The following FBXL20 variants were observed in gnomAD, a reference collection of about 807,000 sequenced individuals.
The protein encoded by FBXL20 is F-box and leucine rich repeat protein 20.
FBXL20 carries 11 observed loss-of-function variants against 64.0 expected under a neutral mutation model. The observed-to-expected ratio is 0.17, with a 90% CI of 0.11 to 0.28. FBXL20 has a LOEUF of 0.28. Ranked by LOEUF, FBXL20 falls within the 10% of genes least tolerant of loss-of-function variation. The probability of loss-of-function intolerance (pLI) is 1.00; values close to 1 mark genes in which losing one functional copy is unlikely to be tolerated. For synonymous variants in FBXL20, 184 were observed against 189.0 expected, an observed-to-expected ratio of 0.97 and a Z score of 0.22; for missense variants, 303 against 526.2, an observed-to-expected ratio of 0.58 and a Z score of 4.15.
rs796372720 is a variant in FBXL20 at position 39,374,540 on chromosome 17, C to CA, written c.42+26820dup. 6.4e-3 allele frequency among the ~76,000 whole-genome samples: 887 copies of CA among 139,670 alleles called. 4 individuals carry two copies. Among genetic ancestry groups the CA allele is most frequent in the Non-Finnish European group, 9.0e-3 (578 of 64,094 alleles). The allele number at this position is 139,670 out of a possible 152,430, so 91.6% of individuals were successfully genotyped here. A position where few individuals can be genotyped will look rare whatever the true frequency, so the allele number is the denominator to read the frequency against. ...AAGGCAATAGAGCGAGACTCCATCT[C>CA]AAAAAAAAAAAATTGCTAGATTATA... On this transcript the variant is annotated intron_variant, in intron 1 of 14. Transcript: ENST00000264658.
chr17:39,296,612 A>G (rs2047088671), intron 6 of FBXL20, among the ~76,000 whole-genome samples: 1 of 151,772 alleles, frequency 6.6e-6, no homozygotes. Context: ...GTTAATGAAT[A>G]ACTACCCTCT....
intron 2 of FBXL20, among the ~76,000 whole-genome samples, chr17:39,330,676 G>A (rs969436162): frequency 6.6e-6 from 1 of 152,152 alleles, no homozygotes. Context: ...GAAAGAAAAT[G>A]AGGGGCCAAA....
intron 12 of FBXL20, 100 bp from the exon 13 acceptor site, chr17:39,265,553 T>A: frequency 1.2e-6 from 1 of 845,788 alleles, no homozygotes; most frequent in Non-Finnish European, 1.9e-6. Context: ...TTGCCCAGGC[T>A]AGAGTGTAGT....
Position 39,367,098 on chromosome 17 carries a change from TG to T in FBXL20, c.43-23858del, listed in dbSNP as rs2047867950. Among the ~76,000 whole-genome samples, 4 of 151,814 alleles carry T rather than the reference TG, an allele frequency of 2.6e-5. No homozygotes were observed. In the South Asian group the frequency reaches 8.3e-4, roughly 32 times the overall value. On this transcript the variant is annotated intron_variant, in intron 1 of 14. Transcript: ENST00000264658. The stretch of plus-strand genomic sequence containing the variant: ...CGGGGTTTCGGCGTGTTAGCCAGGA[TG>T]GTCTCGATCTCCTGACCTCAAGATC...
At chr17:39,294,678 G>A (rs1269664958) in intron 6 of FBXL20, among the ~76,000 whole-genome samples, 1 of 152,110 alleles carries the variant, frequency 6.6e-6, no homozygotes, top group African/African-American at 2.4e-5. Flanking sequence ...CTGGTTATTT[G>A]ATGATTTTAA....
chr17:39,289,982 G>T (rs2047022675), intron 6 of FBXL20, among the ~76,000 whole-genome samples: 1 of 117,892 alleles, frequency 8.5e-6, no homozygotes, highest in Non-Finnish European at 1.6e-5. Context: ...CTGGGCAATA[G>T]TGCGAGACTC....
intron 2 of FBXL20, among the ~76,000 whole-genome samples, chr17:39,341,752 T>TGA (rs1727553120): frequency 6.6e-6 from 1 of 152,214 alleles, no homozygotes; most frequent in African/African-American, 2.4e-5. Flanking sequence ...GCACCTGCCC[T>TGA]CAGCCTTGGA....
chr17:39,390,092 T>C (rs2048120591), intron 1 of FBXL20, among the ~76,000 whole-genome samples: 1 of 152,160 alleles, frequency 6.6e-6, no homozygotes, highest in Non-Finnish European at 1.5e-5. Context: ...AAATTATTAC[T>C]GTTGAACTAG....
chr17:39,342,412 T>C (rs1017525783), intron 2 of FBXL20, among the ~76,000 whole-genome samples: 1 of 138,356 alleles, frequency 7.2e-6, no homozygotes, highest in Admixed American at 7.3e-5. Flanking sequence ...TACATAAAAT[T>C]GAAAAAAAAA....
upstream of FBXL20, chr17:39,402,240 T>G: frequency 2.4e-6 from 3 of 1,228,108 alleles, no homozygotes; most frequent in Non-Finnish European, 3.0e-6. Context: ...CTTCTGGATG[T>G]GTCTAGATTG....
intron 2 of FBXL20, among the ~76,000 whole-genome samples, chr17:39,340,155 G>A (rs1218190541): frequency 2.0e-5 from 3 of 151,902 alleles, no homozygotes; most frequent in Non-Finnish European, 2.9e-5. Context: ...GGAGCGCGGT[G>A]GCGCGATCTT....
upstream of FBXL20, chr17:39,401,968 G>A (rs1273680401): frequency 1.7e-4 from 77 of 452,270 alleles, no homozygotes. Flanking sequence ...GCGAGGGAGA[G>A]TAGAGCAGTA....
At chr17:39,385,933 G>A (rs2048074174) in intron 1 of FBXL20, among the ~76,000 whole-genome samples, 2 of 151,554 alleles carry the variant, frequency 1.3e-5, no homozygotes, top group African/African-American at 4.9e-5. Flanking sequence ...AGGAGGCTGA[G>A]GCAGGAGAAT....
chr17:39,396,263 G>A (rs1193716680), intron 1 of FBXL20, among the ~76,000 whole-genome samples: 1 of 151,862 alleles, frequency 6.6e-6, no homozygotes, highest in African/African-American at 2.4e-5. Flanking sequence ...TATCTCCCTC[G>A]CTTTACAGAA....
chr17:39,394,486 C>T (rs1024993767), intron 1 of FBXL20, among the ~76,000 whole-genome samples: 2 of 151,626 alleles, frequency 1.3e-5, no homozygotes, highest in African/African-American at 2.4e-5. Context: ...ACCGTGTTAG[C>T]CAGGATGGTC....
chr17:39,276,221 GAAA>G (rs1215336803), intron 9 of FBXL20, among the ~76,000 whole-genome samples: 5 of 60,576 alleles, frequency 8.3e-5, no homozygotes, highest in Admixed American at 2.0e-4. Flanking sequence ...AGCAAGAAAA[GAAA>G]AAAAAAAAAA....
At chr17:39,279,220 G>A (rs2046926687) in intron 9 of FBXL20, among the ~76,000 whole-genome samples, 1 of 152,022 alleles carries the variant, frequency 6.6e-6, no homozygotes, top group Admixed American at 6.6e-5. Flanking sequence ...TTGTAAGGAA[G>A]AGCCCAGGTA....
intron 6 of FBXL20, among the ~76,000 whole-genome samples, chr17:39,287,206 C>T (rs1274543190): frequency 6.6e-6 from 1 of 152,022 alleles, no homozygotes; most frequent in Non-Finnish European, 1.5e-5. Context: ...CCACCACGCC[C>T]GGCCTTGGTA....
In FBXL20 at chr17:39,261,227, C is replaced by T. The variant is rs766837324; in HGVS notation, c.*233G>A. On this transcript the variant is annotated 3_prime_UTR_variant, in exon 15 of 15. Coordinates refer to ENST00000264658, the MANE Select transcript of FBXL20 (RefSeq NM_032875.3). ...ACAGGAATGGTTAAATTTTACCAAT[C>T]TACTTGATAAAAAAGCCATCACAAA... 113 of 437,642 alleles carry T rather than the reference C, an allele frequency of 2.6e-4. No individual in the cohort carries two copies. The highest frequency in any genetic ancestry group is 4.4e-4 in the Non-Finnish European group (105 of 239,992). The allele number at this position is 437,642 out of a possible 1,614,324, so 27.1% of individuals were successfully genotyped here. A position where few individuals can be genotyped will look rare whatever the true frequency, so the allele number is the denominator to read the frequency against.
Sources: gnomAD v4.1 joint callset for allele counts (sites outside exome capture counted in the v4.1 genomes callset) on GRCh38, gnomAD v4.1.1 for gene constraint, MANE v1.5 for transcripts, NCBI Gene and HGNC (gene_info 2026-07-23, HGNC 2026-07-21) for gene names.